CNTN6: variants seen among roughly 807,000 people sequenced by gnomAD.
CNTN6 encodes contactin 6, also known as contactin-6.
A neutral mutation model predicts 122.8 loss-of-function variants in CNTN6; 137 were observed. The ratio of observed to expected loss-of-function variants is 1.12; its 90% CI spans 0.97 to 1.29. The LOEUF is 1.29. CNTN6 is among the 50% of genes most tolerant of loss of function. The pLI is 0.00. For synonymous variants in CNTN6, 570 were observed against 426.0 expected (o/e 1.34, Z -4.16); for missense variants, 1,634 against 1,223.4 (o/e 1.34, Z -5.01).
At chr3:1,300,220 T>A (rs1696966110) in intron 7 of CNTN6, among the ~76,000 whole-genome samples, 1 of 152,104 alleles carries the variant, frequency 6.6e-6, no homozygotes, top group Non-Finnish European at 1.5e-5. Flanking sequence ...TCTGCTGACC[T>A]CGTGATCCGC....
At chr3:1,401,347 C>CTT (rs1443903144) in intron 20 of CNTN6, 86 bp from the exon 21 acceptor site, 1 of 1,042,312 alleles carries the variant, frequency 9.6e-7, no homozygotes, top group African/African-American at 1.6e-5. Flanking sequence ...TCATCGAAGA[C>CTT]TTATTTTTTC....
At chr3:1,182,370 C>T (rs116120361) in intron 2 of CNTN6, among the ~76,000 whole-genome samples, 1,625 of 152,246 alleles carry the variant, frequency 0.011, 39 homozygotes, top group African/African-American at 0.037. Context: ...GAAAGTAAAT[C>T]ATGGAGGTGA....
At position 1,304,507 on chromosome 3, in the gene CNTN6, C is replaced by T. The variant is rs181337790; in HGVS notation, c.761+6516C>T. ...AATTAACTTCTAAGTATCTGACTTA[C>T]TTAATCCTCCATGTGCAGATGTAGT... On this transcript the variant is annotated intron_variant, in intron 7 of 22. Transcript: ENST00000446702. Among the ~76,000 whole-genome samples the T allele has an allele frequency of 9.9e-5, 15 of 152,216 alleles. No individual in the cohort carries two copies. The East Asian group carries it at 2.5e-3, about 25-fold the overall frequency.
intron 20 of CNTN6, among the ~76,000 whole-genome samples, chr3:1,387,979 T>C (rs920648427): frequency 4.9e-4 from 74 of 151,766 alleles, no homozygotes; most frequent in African/African-American, 1.6e-3. Flanking sequence ...GCAGCGAGGC[T>C]GGGGGAGGGG....
rs142212866 is a variant in CNTN6, at chr3:1,249,206, T to A, written c.358+21213T>A. Among the ~76,000 whole-genome samples the A allele has an allele frequency of 4.2e-3, 636 of 151,730 alleles. 4 individuals carry two copies. Among genetic ancestry groups the A allele is most frequent in the Middle Eastern group, 6.8e-3 (2 of 292 alleles). On this transcript the variant is annotated intron_variant, in intron 4 of 22. Coordinates refer to ENST00000446702, the MANE Select transcript of CNTN6 (RefSeq NM_001289080.2). Reference sequence around the variant, plus strand: ...GATAGAAGGAATAGCTCTATTATGATGTAAAGAAATCTTAGGGAAAAACAA... The same window carrying A: ...GATAGAAGGAATAGCTCTATTATGAAGTAAAGAAATCTTAGGGAAAAACAA...
At chr3:1,377,125 C>A in intron 17 of CNTN6, 50 bp downstream of exon 17, 5 of 1,282,084 alleles carry the variant, frequency 3.9e-6, no homozygotes, top group Middle Eastern at 1.9e-4. Flanking sequence ...ATTTAACTGG[C>A]CAGAAAGAAA....
In CNTN6 at chr3:1,362,627, T is replaced by C. The variant is rs193229102; in HGVS notation, c.1493-9672T>C. ...ACTGCAGCATGGAGAGAGAATAAAA[T>C]GGGAAAGACAGAAAGTATCATAAGG... On this transcript the variant is annotated intron_variant, in intron 12 of 22. Transcript: ENST00000446702. Among the ~76,000 whole-genome samples the C allele has an allele frequency of 3.2e-4, 48 of 151,866 alleles. 1 individual carries two copies. The highest frequency in any genetic ancestry group is 1.1e-3 in the African/African-American group (47 of 41,456).
chr3:1,139,473 A>C (rs1006989486), intron 1 of CNTN6, among the ~76,000 whole-genome samples: 2 of 152,074 alleles, frequency 1.3e-5, no homozygotes, highest in East Asian at 1.9e-4. Flanking sequence ...GTACTCATCA[A>C]ATTAAAACTA....
intron 16 of CNTN6, among the ~76,000 whole-genome samples, chr3:1,375,502 G>A (rs1383193148): frequency 1.3e-5 from 2 of 151,970 alleles, no homozygotes; most frequent in Non-Finnish European, 2.9e-5. Context: ...ATAGGGAAAG[G>A]AATTTTCTAT....
chr3:1,388,014 T>G (rs998557237), intron 20 of CNTN6, among the ~76,000 whole-genome samples: 8 of 152,070 alleles, frequency 5.3e-5, no homozygotes, highest in East Asian at 1.9e-4. Flanking sequence ...CAGGCTTGAT[T>G]AGGTAAACAA....
rs1040486435 is a variant in CNTN6, at chr3:1,312,944, G to C, written c.762-8706G>C. Among the ~76,000 whole-genome samples, 3 of 151,544 alleles carry C rather than the reference G, an allele frequency of 2.0e-5. No homozygotes were observed. In the South Asian group the frequency reaches 6.2e-4, roughly 31 times the overall value. Reference sequence around the variant, plus strand: ...TGATAGTGCTATAGCATGATTTAAAGAAAATACTTAGCATGGAGCTAACAT... The same window carrying C: ...TGATAGTGCTATAGCATGATTTAAACAAAATACTTAGCATGGAGCTAACAT... On this transcript the variant is annotated intron_variant, in intron 7 of 22. Coordinates refer to ENST00000446702, the MANE Select transcript of CNTN6 (RefSeq NM_001289080.2).
chr3:1,125,874 T>G (rs2092141682), intron 1 of CNTN6, among the ~76,000 whole-genome samples: 1 of 151,884 alleles, frequency 6.6e-6, no homozygotes, highest in Non-Finnish European at 1.5e-5. Flanking sequence ...GCCAACTCCA[T>G]GTTATGATGG....
At chr3:1,202,369 T>A (rs1298092906) in intron 2 of CNTN6, among the ~76,000 whole-genome samples, 1 of 151,370 alleles carries the variant, frequency 6.6e-6, no homozygotes, top group East Asian at 1.9e-4. Context: ...TGAAACCGCG[T>A]CTCTACTAAA....
At chr3:1,367,046 ATT>A (rs1708332561) in intron 12 of CNTN6, among the ~76,000 whole-genome samples, 5 of 152,112 alleles carry the variant, frequency 3.3e-5, no homozygotes, top group African/African-American at 1.2e-4. Context: ...ATGAATAGTA[ATT>A]TTGTTTTATG....
chr3:1,112,737 G>T (rs1457537662), intron 1 of CNTN6, among the ~76,000 whole-genome samples: 2 of 152,064 alleles, frequency 1.3e-5, no homozygotes, highest in African/African-American at 2.4e-5. Context: ...AATCCGATCA[G>T]ATTGATCCCT....
intron 19 of CNTN6, among the ~76,000 whole-genome samples, chr3:1,385,029 T>C (rs990946452): frequency 2.6e-5 from 4 of 152,016 alleles, no homozygotes; most frequent in Admixed American, 6.6e-5. Flanking sequence ...ATTTTTTCTA[T>C]ACCACTTCTT....
At chr3:1,263,184 A>C (rs3872629) in intron 4 of CNTN6, among the ~76,000 whole-genome samples, 46,798 of 151,966 alleles carry the variant, frequency 0.31, 9,330 homozygotes, top group African/African-American at 0.57. Context: ...TATTCAGAGA[A>C]ATTGAAAAAA....
chr3:1,104,049 A>G (rs1429873747), intron 1 of CNTN6, among the ~76,000 whole-genome samples: 3 of 152,178 alleles, frequency 2.0e-5, no homozygotes, highest in Non-Finnish European at 4.4e-5. Flanking sequence ...ACTATGTAAT[A>G]GATGCTATTT....
chr3:1,259,241 G>A (rs2094806677), intron 4 of CNTN6, among the ~76,000 whole-genome samples: 1 of 151,990 alleles, frequency 6.6e-6, no homozygotes, highest in South Asian at 2.1e-4. Context: ...CATGTTTATA[G>A]ATAAATAACT....
Sources: allele counts gnomAD v4.1 joint callset (sites outside exome capture counted in the v4.1 genomes callset), GRCh38; gene constraint gnomAD v4.1.1; transcripts MANE v1.5; gene names NCBI Gene and HGNC (gene_info 2026-07-23, HGNC 2026-07-21).